MAP4K5: variants seen among roughly 807,000 people sequenced by gnomAD.
MAP4K5 encodes the protein MAPK/ERK kinase kinase kinase 5.
Under a neutral mutation model 135.6 loss-of-function variants are expected in MAP4K5, and 82 were observed. That is an observed-to-expected ratio of 0.60 (90% CI 0.51 to 0.73). The LOEUF (loss-of-function observed/expected upper bound fraction) is 0.73. Ranked by LOEUF, MAP4K5 falls within the 30% of genes least tolerant of loss-of-function variation. The pLI is 0.00. For synonymous variants in MAP4K5, 347 were observed against 335.0 expected, an observed-to-expected ratio of 1.04 and a Z score of -0.39; for missense variants, 907 against 1,010.9, an observed-to-expected ratio of 0.90 and a Z score of 1.39.
At position 50,418,965 on chromosome 14, in the gene MAP4K5, T is replaced by A. The variant is rs1422600238; in HGVS notation, c.*1054A>T. The stretch of plus-strand genomic sequence containing the variant: ...GATACTATCCCATCAGGAATTCAAT[T>A]CATTTAAATATTTTTTTTCTTCTTC... On this transcript the variant is annotated 3_prime_UTR_variant, in exon 33 of 33. Transcript: ENST00000682126. The A allele has an allele frequency of 6.6e-6, 1 of 152,158 alleles. No individual in the cohort carries two copies. The highest frequency in any genetic ancestry group is 1.5e-5 in the Non-Finnish European group (1 of 67,996). 9.4% of individuals were successfully genotyped at this position (152,158 alleles called of 1,614,324 possible).
chr14:50,485,243 G>A (rs944200056), intron 5 of MAP4K5, among the ~76,000 whole-genome samples: 21 of 152,052 alleles, frequency 1.4e-4, no homozygotes, highest in African/African-American at 4.6e-4. Context: ...AGACAGACAC[G>A]TAACTTCCCT....
At chr14:50,454,309 C>T (rs948825966) in intron 14 of MAP4K5, among the ~76,000 whole-genome samples, 15 of 152,082 alleles carry the variant, frequency 9.9e-5, no homozygotes, top group Non-Finnish European at 1.5e-4. Context: ...TGAAGGCTCT[C>T]GTGAGGGAAC....
intron 26 of MAP4K5, among the ~76,000 whole-genome samples, chr14:50,435,828 C>A (rs1331862809): frequency 1.3e-5 from 2 of 151,996 alleles, no homozygotes; most frequent in African/African-American, 4.8e-5. Flanking sequence ...TTCCTTCTCC[C>A]AAATTTGATT....
Position 50,475,228 on chromosome 14 carries a change from CA to C in MAP4K5, c.470-80del, listed in dbSNP as rs560423569. On this transcript the variant is annotated intron_variant, in intron 8 of 32. Transcript: ENST00000682126. ...TTTTTACTTTCGCCCTTAGGCATGG[CA>C]GTATTAATAATTCAAATATTAATGT... The C allele has an allele frequency of 2.8e-4, 281 of 1,000,228 alleles. 6 individuals carry two copies. The South Asian group carries it at 3.7e-3, about 13-fold the overall frequency. The allele number at this position is 1,000,228 out of a possible 1,614,324, so 62.0% of individuals were successfully genotyped here.
intron 3 of MAP4K5, among the ~76,000 whole-genome samples, chr14:50,488,637 T>C (rs573382428): frequency 2.3e-4 from 35 of 152,304 alleles, no homozygotes; most frequent in Middle Eastern, 3.4e-3. Context: ...TGGTAGTAGT[T>C]TGAGTTCTGG....
chr14:50,510,087 C>G (rs1028622410), intron 2 of MAP4K5, among the ~76,000 whole-genome samples: 3 of 152,078 alleles, frequency 2.0e-5, no homozygotes, highest in Non-Finnish European at 2.9e-5. Context: ...TTCATTATGC[C>G]AAGCAAAAAC....
At chr14:50,422,318 A>G (rs1317644992) in intron 32 of MAP4K5, among the ~76,000 whole-genome samples, 1 of 152,052 alleles carries the variant, frequency 6.6e-6, no homozygotes, top group Non-Finnish European at 1.5e-5. Flanking sequence ...TCACTTTTTG[A>G]AAATTCCTGT....
intron 2 of MAP4K5, among the ~76,000 whole-genome samples, chr14:50,507,522 T>C (rs910953219): frequency 6.6e-6 from 1 of 152,228 alleles, no homozygotes; most frequent in East Asian, 1.9e-4. Context: ...GCTTTAAATG[T>C]GTCCCAGAGA....
At position 50,488,056 on chromosome 14, in the gene MAP4K5, G is replaced by A. The variant is rs113539857; in HGVS notation, c.167-1862C>T. 6.8e-3 allele frequency among the ~76,000 whole-genome samples: 1,030 copies of A among 152,202 alleles called. 4 individuals are homozygous for A. Among genetic ancestry groups the A allele is most frequent in the Middle Eastern group, 0.031 (9 of 294 alleles). ...CACACTGCTATACAGAACTGCCCAA[G>A]ACTGGGTAATTTATAAAGAAAAGAG... On this transcript the variant is annotated intron_variant, in intron 3 of 32. Transcript: ENST00000682126.
intron 3 of MAP4K5, among the ~76,000 whole-genome samples, chr14:50,491,538 C>A (rs113053719): frequency 0.072 from 10,893 of 152,030 alleles, 500 homozygotes; most frequent in Middle Eastern, 0.14. Flanking sequence ...TTCAGGTGAT[C>A]CACCAGCCTT....
chr14:50,435,974 A>C (rs1271683358), intron 26 of MAP4K5, among the ~76,000 whole-genome samples: 1 of 152,212 alleles, frequency 6.6e-6, no homozygotes, highest in Non-Finnish European at 1.5e-5. Flanking sequence ...ATCTGATAAT[A>C]GATATTGACA....
intron 3 of MAP4K5, among the ~76,000 whole-genome samples, chr14:50,490,579 C>G (rs1350504011): frequency 6.6e-6 from 1 of 152,152 alleles, no homozygotes; most frequent in Non-Finnish European, 1.5e-5. Context: ...ATCCTGAAGG[C>G]CAAGTTTTCT....
In MAP4K5 at chr14:50,446,122, C is replaced by G; in HGVS notation, c.1143-1G>C. On this transcript the variant is annotated splice_acceptor_variant, in intron 16 of 32. Transcript: ENST00000682126. LOFTEE classifies it high-confidence loss of function. ...TGGTATTGCACGTTTTGAGGTTGAT[C>G]TAATACAAAGAAGAAATGCAATTTA... The G allele has an allele frequency of 6.4e-7, 1 of 1,565,364 alleles. No individual in the cohort carries two copies. Among genetic ancestry groups the G allele is most frequent in the Non-Finnish European group, 8.6e-7 (1 of 1,157,606 alleles).
intron 5 of MAP4K5, among the ~76,000 whole-genome samples, chr14:50,484,453 G>A (rs1490169852): frequency 6.6e-6 from 1 of 152,100 alleles, no homozygotes; most frequent in Non-Finnish European, 1.5e-5. Context: ...CTCTGGTAAT[G>A]ACTTAGTCAA....
intron 28 of MAP4K5, among the ~76,000 whole-genome samples, chr14:50,433,623 TAAG>T (rs1474494408): frequency 6.6e-6 from 1 of 152,208 alleles, no homozygotes; most frequent in Non-Finnish European, 1.5e-5. Context: ...GGTTATTTAA[TAAG>T]AAGCATTAAG....
chr14:50,446,385 A>G (rs1369125148), intron 16 of MAP4K5, among the ~76,000 whole-genome samples: 1 of 152,212 alleles, frequency 6.6e-6, no homozygotes, highest in Non-Finnish European at 1.5e-5. Context: ...TTATGTAATA[A>G]AAACTAAGTT....
At chr14:50,447,191 T>C (rs2036373735) in intron 16 of MAP4K5, among the ~76,000 whole-genome samples, 1 of 152,202 alleles carries the variant, frequency 6.6e-6, no homozygotes, top group Non-Finnish European at 1.5e-5. Context: ...CACCTTTCAG[T>C]ATATTATCAT....
rs937479068 is a variant in MAP4K5 at position 50,532,549 on chromosome 14, G to C, written c.-211C>G. On this transcript the variant is annotated 5_prime_UTR_variant, in exon 1 of 33. Transcript: ENST00000682126. ...CAGCCGCTGCACGGCGCGTCCTCTC[G>C]GGGGCGGCGGAGGCGCGTACAGTCG... The C allele has an allele frequency of 4.0e-5, 6 of 150,984 alleles. No homozygotes were observed. The highest frequency in any genetic ancestry group is 5.9e-5 in the Non-Finnish European group (4 of 67,738). The allele number at this position is 150,984 out of a possible 1,614,324, so 9.4% of individuals were successfully genotyped here. A position where few individuals can be genotyped will look rare whatever the true frequency, so the allele number is the denominator to read the frequency against.
Position 50,473,045 on chromosome 14 carries a change from T to C in MAP4K5, c.542+2032A>G, listed in dbSNP as rs145822357. Among the ~76,000 whole-genome samples the C allele has an allele frequency of 1.1e-3, 168 of 152,282 alleles. 4 individuals are homozygous for C. The South Asian group carries it at 0.013, about 11-fold the overall frequency. ...GAGAATTCTGTAGACACCCTTTAAG[T>C]GATAGTAAATGAATTCGATACGTAG... On this transcript the variant is annotated intron_variant, in intron 9 of 32. Transcript: ENST00000682126.
Sources: gnomAD v4.1 joint callset for allele counts (sites outside exome capture counted in the v4.1 genomes callset) on GRCh38, gnomAD v4.1.1 for gene constraint, MANE v1.5 for transcripts, NCBI Gene and HGNC (gene_info 2026-07-23, HGNC 2026-07-21) for gene names.